The following ARMC7 variants were observed in gnomAD, a reference collection of about 807,000 sequenced individuals.
The protein encoded by ARMC7 is armadillo repeat-containing protein 7.
In ARMC7, 9 loss-of-function variants were observed where a neutral mutation model predicts 14.8. That is an observed-to-expected ratio of 0.61 (90% confidence interval 0.37 to 1.06). The LOEUF (loss-of-function observed/expected upper bound fraction) is 1.06. Among genes scored for constraint, ARMC7 ranks in the 50% least tolerant of loss-of-function variants. The pLI, the probability that ARMC7 is intolerant of heterozygous loss-of-function variation, is 0.01. For missense variants in ARMC7, 262 were observed against 267.1 expected, an observed-to-expected ratio of 0.98 and a Z score of 0.13; for synonymous variants, 125 against 123.4, an observed-to-expected ratio of 1.01 and a Z score of -0.09.
intron 2 of ARMC7, among the ~76,000 whole-genome samples, chr17:75,112,596 G>A (rs1428700470): frequency 9.5e-6 from 1 of 105,628 alleles, no homozygotes. Flanking sequence ...TTTTTTTTGA[G>A]ATAGGGTCTC....
intron 2 of ARMC7, among the ~76,000 whole-genome samples, chr17:75,122,208 C>A (rs190990297): frequency 1.3e-5 from 2 of 151,602 alleles, no homozygotes; most frequent in Non-Finnish European, 1.5e-5. Context: ...TGTTGACGGG[C>A]GCCTGTAATC....
At chr17:75,112,573 CTTTT>C (rs549730217) in intron 2 of ARMC7, among the ~76,000 whole-genome samples, 15 of 100,446 alleles carry the variant, frequency 1.5e-4, no homozygotes, top group African/African-American at 2.8e-4. Context: ...TTCTCTTTTT[CTTTT>C]TTTTTTTTTT....
Position 75,129,625 on chromosome 17 carries a change from A to C in ARMC7, c.*587A>C. On this transcript the variant is annotated 3_prime_UTR_variant, in exon 3 of 3. Transcript: ENST00000245543. ...ACCTGTGGCCCAGCATTGACTGTCCACCCAGCCTTGCTGTTAGGCACCATG... is the reference window on the plus strand; with the variant it reads ...ACCTGTGGCCCAGCATTGACTGTCCCCCCAGCCTTGCTGTTAGGCACCATG... 6.5e-6 allele frequency: 1 copy of C among 152,840 alleles called. No individual in the cohort carries two copies. Among genetic ancestry groups the C allele is most frequent in the Non-Finnish European group, 1.5e-5 (1 of 68,526 alleles). The allele number at this position is 152,840 out of a possible 1,614,324, so 9.5% of individuals were successfully genotyped here.
At chr17:75,114,605 G>T (rs992240520) in intron 2 of ARMC7, 6 of 395,704 alleles carry the variant, frequency 1.5e-5, no homozygotes, top group African/African-American at 1.0e-4. Context: ...TGTGGGAGCA[G>T]AAGTGTGTCT....
Position 75,128,994 on chromosome 17 carries a change from C to G in ARMC7, c.553C>G (p.Leu185Val). The G allele has an allele frequency of 6.2e-7, 1 of 1,600,686 alleles. No homozygotes were observed. The highest frequency in any genetic ancestry group is 1.7e-5 in the Admixed American group (1 of 59,948). The change falls in exon 3 of 3, where the codon CTG becomes GTG. Residue 185 changes from leucine (L) to valine (V), a missense_variant. Coordinates refer to ENST00000245543, the MANE Select transcript of ARMC7 (RefSeq NM_024585.4). ...EARSRQAHSA[L>V]GIPLPRSVAP... The stretch of plus-strand genomic sequence containing the variant: ...CCGCAGCCGGCAGGCGCACTCTGCC[C>G]TGGGTATCCCACTGCCGAGGAGCGT...
intron 2 of ARMC7, among the ~76,000 whole-genome samples, chr17:75,120,493 CCTTT>C (rs2074005779): frequency 6.6e-6 from 1 of 152,174 alleles, no homozygotes; most frequent in East Asian, 1.9e-4. Flanking sequence ...AACTTGTTCT[CCTTT>C]CTGTTTTATA....
intron 2 of ARMC7, among the ~76,000 whole-genome samples, chr17:75,123,673 G>A (rs992215707): frequency 3.9e-5 from 6 of 152,114 alleles, no homozygotes; most frequent in African/African-American, 1.4e-4. Flanking sequence ...TTTCATCCCA[G>A]TACTTTGGGA....
intron 2 of ARMC7, among the ~76,000 whole-genome samples, chr17:75,124,369 GCCT>G (rs2074035814): frequency 6.6e-6 from 1 of 152,170 alleles, no homozygotes; most frequent in Non-Finnish European, 1.5e-5. Flanking sequence ...CTCTCCTGAG[GCCT>G]CCTCCTGCCC....
intron 2 of ARMC7, among the ~76,000 whole-genome samples, chr17:75,110,882 G>A (rs762417374): frequency 6.0e-5 from 9 of 150,060 alleles, no homozygotes; most frequent in Non-Finnish European, 1.2e-4. Context: ...GAACCCAGGA[G>A]GCAAATGTTG....
chr17:75,115,520 A>G (rs2073967350), intron 2 of ARMC7, among the ~76,000 whole-genome samples: 1 of 151,984 alleles, frequency 6.6e-6, no homozygotes, highest in African/African-American at 2.4e-5. Flanking sequence ...CCTGGGTGAC[A>G]GAGCAAGACT....
In ARMC7 at chr17:75,114,733, A is replaced by T. The variant is rs1598164685; in HGVS notation, c.235+4127A>T. ...CTCTTCCTTCTTCTGCCACAGCAAGACCCCCCCGCCCCAAGCACAGTAGCT... is the reference window on the plus strand; with the variant it reads ...CTCTTCCTTCTTCTGCCACAGCAAGTCCCCCCCGCCCCAAGCACAGTAGCT... On this transcript the variant is annotated intron_variant, in intron 2 of 2. Transcript: ENST00000245543. 4 of 392,780 alleles carry T rather than the reference A, an allele frequency of 1.0e-5. No individual in the cohort carries two copies. In the East Asian group the frequency reaches 1.4e-4, roughly 14 times the overall value. 24.3% of individuals were successfully genotyped at this position (392,780 alleles called of 1,614,324 possible).
chr17:75,124,406 T>G (rs1227818550), intron 2 of ARMC7, among the ~76,000 whole-genome samples: 2 of 152,170 alleles, frequency 1.3e-5, no homozygotes, highest in African/African-American at 4.8e-5. Flanking sequence ...TTCCGCAGTC[T>G]GGGTGGCAGT....
chr17:75,119,518 G>A (rs1024555280), intron 2 of ARMC7, among the ~76,000 whole-genome samples: 3 of 146,522 alleles, frequency 2.0e-5, no homozygotes, highest in Admixed American at 1.4e-4. Context: ...GCGCGATCTC[G>A]ACTCACTGCA....
chr17:75,122,766 G>GT (rs2074022428), intron 2 of ARMC7, among the ~76,000 whole-genome samples: 2 of 152,136 alleles, frequency 1.3e-5, no homozygotes, highest in African/African-American at 4.8e-5. Context: ...ACAAGGCAGA[G>GT]TCCCCATTCT....
intron 2 of ARMC7, among the ~76,000 whole-genome samples, chr17:75,116,102 CA>C (rs2073971170): frequency 6.6e-6 from 1 of 152,208 alleles, no homozygotes; most frequent in African/African-American, 2.4e-5. Context: ...CTCAGCCTCC[CA>C]GAGGGTGCCC....
Position 75,110,077 on chromosome 17 carries a change from C to A in ARMC7, c.-212C>A. 1.8e-6 allele frequency: 1 copy of A among 556,390 alleles called. No individual in the cohort carries two copies. Among genetic ancestry groups the A allele is most frequent in the South Asian group, 2.3e-5 (1 of 43,728 alleles). 34.5% of individuals were successfully genotyped at this position (556,390 alleles called of 1,614,324 possible). On this transcript the variant is annotated 5_prime_UTR_variant, in exon 1 of 3. Coordinates refer to ENST00000245543, the MANE Select transcript of ARMC7 (RefSeq NM_024585.4). ...CCCCAATTTCGATTTTCAAACGCAACTCCTACAGGATTCTGAGACCCCGTC... is the reference window on the plus strand; with the variant it reads ...CCCCAATTTCGATTTTCAAACGCAAATCCTACAGGATTCTGAGACCCCGTC...
chr17:75,115,432 C>T (rs534567257), intron 2 of ARMC7, among the ~76,000 whole-genome samples: 2 of 152,016 alleles, frequency 1.3e-5, no homozygotes, highest in East Asian at 1.9e-4. Flanking sequence ...CCCAGCTACT[C>T]GGAGGCTGAG....
chr17:75,126,169 G>A (rs2074049835), intron 2 of ARMC7, among the ~76,000 whole-genome samples: 1 of 152,210 alleles, frequency 6.6e-6, no homozygotes, highest in Non-Finnish European at 1.5e-5. Context: ...GAACCAAAGG[G>A]AGGGGTACCG....
At chr17:75,123,695 G>A (rs2074030406) in intron 2 of ARMC7, among the ~76,000 whole-genome samples, 1 of 152,164 alleles carries the variant, frequency 6.6e-6, no homozygotes, top group Admixed American at 6.5e-5. Flanking sequence ...GCCAAGGCAT[G>A]AGGTTAGGAG....
Sources: gnomAD v4.1 joint callset for allele counts (sites outside exome capture counted in the v4.1 genomes callset) on GRCh38, gnomAD v4.1.1 for gene constraint, MANE v1.5 for transcripts, NCBI Gene and HGNC (gene_info 2026-07-23, HGNC 2026-07-21) for gene names.